The following RAD51B variants were observed in gnomAD, a reference collection of about 807,000 sequenced individuals.
RAD51B encodes the protein RAD51 paralog B, also known as DNA repair protein RAD51 homolog 2.
A neutral mutation model predicts 42.2 loss-of-function variants in RAD51B; 38 were observed. That is an observed-to-expected ratio of 0.90 (90% CI 0.70 to 1.18). RAD51B has a LOEUF of 1.18. Among genes scored for constraint, RAD51B ranks in the 50% most tolerant of loss-of-function variants. The probability of loss-of-function intolerance (pLI) is 0.00; values close to 1 mark genes in which losing one functional copy is unlikely to be tolerated. For synonymous variants in RAD51B, 154 were observed against 145.2 expected (o/e 1.06, Z -0.43); for missense variants, 373 against 400.7 (o/e 0.93, Z 0.59).
chr14:68,202,549 T>G (rs962570056), intron 7 of RAD51B, among the ~76,000 whole-genome samples: 2 of 152,040 alleles, frequency 1.3e-5, no homozygotes, highest in South Asian at 4.2e-4. Context: ...ACTACTTTCT[T>G]TGTTCATTCA....
chr14:68,389,844 T>C (rs911664790), intron 8 of RAD51B, among the ~76,000 whole-genome samples: 4 of 152,242 alleles, frequency 2.6e-5, no homozygotes, highest in Non-Finnish European at 4.4e-5. Context: ...GGATCACTGA[T>C]TGCTAGGGAA....
At chr14:68,468,330 C>A in intron 10 of RAD51B, 80 bp downstream of exon 10, 1 of 1,375,826 alleles carries the variant, frequency 7.3e-7, no homozygotes, top group Non-Finnish European at 1.0e-6. Context: ...TGCTATGGTT[C>A]TGATAGAAGC....
chr14:68,635,045 T>A (rs1269050870), intron 10 of RAD51B, among the ~76,000 whole-genome samples: 1 of 152,108 alleles, frequency 6.6e-6, no homozygotes, highest in Non-Finnish European at 1.5e-5. Flanking sequence ...GGCCATATGG[T>A]TTCCTTATCT....
chr14:68,618,907 G>C (rs1192547352), intron 10 of RAD51B, among the ~76,000 whole-genome samples: 1 of 151,960 alleles, frequency 6.6e-6, no homozygotes, highest in African/African-American at 2.4e-5. Flanking sequence ...TGCTTCACAG[G>C]CTAACCCAAG....
chr14:68,482,686 C>A (rs867844781), downstream of RAD51B, among the ~76,000 whole-genome samples: 2 of 152,150 alleles, frequency 1.3e-5, no homozygotes, highest in Non-Finnish European at 2.9e-5. Context: ...TTCTTTTGCA[C>A]AAATGGAGGG....
chr14:68,162,972 T>C (rs1450291421), intron 7 of RAD51B, among the ~76,000 whole-genome samples: 1 of 152,250 alleles, frequency 6.6e-6, no homozygotes, highest in African/African-American at 2.4e-5. Flanking sequence ...CTGCAGTTAT[T>C]GGGTTTGACA....
chr14:67,964,560 G>A (rs1209099757), intron 7 of RAD51B, among the ~76,000 whole-genome samples: 2 of 152,144 alleles, frequency 1.3e-5, no homozygotes, highest in Non-Finnish European at 2.9e-5. Flanking sequence ...AGAACAAATG[G>A]TGCTTTCTTT....
chr14:68,363,570 G>A (rs1299808511), intron 8 of RAD51B, among the ~76,000 whole-genome samples: 1 of 152,122 alleles, frequency 6.6e-6, no homozygotes, highest in Non-Finnish European at 1.5e-5. Flanking sequence ...GAGTGTGCAG[G>A]GCTCTCCTGC....
chr14:68,219,063 G>T (rs2079872497), intron 7 of RAD51B, among the ~76,000 whole-genome samples: 2 of 152,172 alleles, frequency 1.3e-5, no homozygotes, highest in South Asian at 2.1e-4. Flanking sequence ...ATACTGAAAA[G>T]ATTAATAAAG....
chr14:68,160,016 C>T (rs373389919), intron 7 of RAD51B, among the ~76,000 whole-genome samples: 109 of 152,016 alleles, frequency 7.2e-4, no homozygotes, highest in East Asian at 3.3e-3. Context: ...TACAATCAAA[C>T]GGCATTTGAA....
chr14:68,552,020 A>G (rs909698978), intron 10 of RAD51B, among the ~76,000 whole-genome samples: 2 of 152,180 alleles, frequency 1.3e-5, no homozygotes, highest in Non-Finnish European at 2.9e-5. Context: ...AATCTGCCCC[A>G]TAGATATGTT....
In RAD51B at chr14:68,633,449, C is replaced by T. The variant is rs547073288; in HGVS notation, c.1037-17332C>T. ...CCCCACTGCATTCGCATTCCCCCCACGATGTATAACAGGAGTCCGCAGCCC... is the reference window on the plus strand; with the variant it reads ...CCCCACTGCATTCGCATTCCCCCCATGATGTATAACAGGAGTCCGCAGCCC... On this transcript the variant is annotated intron_variant, in intron 10 of 11. Coordinates refer to the RAD51B transcript ENST00000488612. 1.4e-3 allele frequency among the ~76,000 whole-genome samples: 207 copies of T among 152,196 alleles called. 1 individual carries two copies. Among genetic ancestry groups the T allele is most frequent in the Middle Eastern group, 3.4e-3 (1 of 294 alleles).
At chr14:68,182,171 T>C (rs1371394050) in intron 7 of RAD51B, among the ~76,000 whole-genome samples, 1 of 152,222 alleles carries the variant, frequency 6.6e-6, no homozygotes, top group Non-Finnish European at 1.5e-5. Context: ...AGCCATCTTG[T>C]GCTTCAATTT....
At chr14:67,870,276 G>T (rs1391824783) in intron 5 of RAD51B, among the ~76,000 whole-genome samples, 1 of 152,024 alleles carries the variant, frequency 6.6e-6, no homozygotes, top group East Asian at 1.9e-4. Flanking sequence ...AAAAGGCAGG[G>T]GTTGCAATCC....
In RAD51B at chr14:68,477,785, T is replaced by C; in HGVS notation, c.*121T>C. The C allele has an allele frequency of 6.5e-7, 1 of 1,539,446 alleles. No individual in the cohort carries two copies. On this transcript the variant is annotated 3_prime_UTR_variant, in exon 11 of 11. Transcript: ENST00000471583. Reference sequence around the variant, plus strand: ...ATGGGGATTAATTAGTTGATTGCTGTTGAGATGGTAACAGATTTGCTCCTA... The same window carrying C: ...ATGGGGATTAATTAGTTGATTGCTGCTGAGATGGTAACAGATTTGCTCCTA...
chr14:68,512,402 A>G (rs920149355), intron 10 of RAD51B, among the ~76,000 whole-genome samples: 1 of 152,234 alleles, frequency 6.6e-6, no homozygotes, highest in Non-Finnish European at 1.5e-5. Flanking sequence ...CTCTATGTGG[A>G]TAATTCCTCG....
In RAD51B at chr14:68,009,563, G is replaced by A. The variant is rs541444942; in HGVS notation, c.756+122359G>A. ...CATGTATTTTTAGTGTCTAGTGTAG[G>A]GTTTGCTACATAATAGCTCCTAATA... is the stretch of plus-strand genomic sequence containing the variant. On this transcript the variant is annotated intron_variant, in intron 7 of 10. Coordinates refer to ENST00000471583, the MANE Select transcript of RAD51B (RefSeq NM_133510.4). Among the ~76,000 whole-genome samples, 10 of 151,780 alleles carry A rather than the reference G, an allele frequency of 6.6e-5. No individual in the cohort carries two copies. In the South Asian group the frequency reaches 2.1e-3, roughly 32 times the overall value.
chr14:68,307,213 A>G (rs1329879966), intron 8 of RAD51B, among the ~76,000 whole-genome samples: 1 of 152,158 alleles, frequency 6.6e-6, no homozygotes, highest in East Asian at 1.9e-4. Context: ...TGGCTCAAGG[A>G]AATAAAGTGA....
At chr14:68,137,237 C>T (rs887885359) in intron 7 of RAD51B, among the ~76,000 whole-genome samples, 3 of 152,192 alleles carry the variant, frequency 2.0e-5, no homozygotes, top group African/African-American at 2.4e-5. Flanking sequence ...GACCACGCCA[C>T]TGCACTCCTG....
Sources: gnomAD v4.1 joint callset for allele counts (sites outside exome capture counted in the v4.1 genomes callset) on GRCh38, gnomAD v4.1.1 for gene constraint, MANE v1.5 for transcripts, NCBI Gene and HGNC (gene_info 2026-07-23, HGNC 2026-07-21) for gene names.